The following RBM10 variants were observed in gnomAD, a reference collection of about 807,000 sequenced individuals.
RBM10 encodes RNA-binding protein 10.
A neutral mutation model predicts 84.9 loss-of-function variants in RBM10; 1 was observed. The observed-to-expected ratio is 0.01, with a 90% CI of 0.00 to 0.06. RBM10 has a LOEUF of 0.06. RBM10 is among the 10% of genes least tolerant of loss of function. The pLI is 1.00. For synonymous variants in RBM10, 326 were observed against 344.5 expected, an observed-to-expected ratio of 0.95 and a Z score of 0.60; for missense variants, 438 against 839.0, an observed-to-expected ratio of 0.52 and a Z score of 5.90.
intron 1 of RBM10, 73 bp downstream of exon 1, chrX:47,145,558 G>T: frequency 9.3e-7 from 1 of 1,073,315 alleles, no homozygotes; most frequent in Admixed American, 2.6e-5. Flanking sequence ...GCGCGAGGGC[G>T]GACTTCGGGT....
chrX:47,172,448 C>T (rs1317717898), intron 4 of RBM10, among the ~76,000 whole-genome samples: 1 of 112,332 alleles, frequency 8.9e-6, no homozygotes, highest in African/African-American at 3.2e-5. Context: ...GGCTCCTGGT[C>T]CTCAGTGAGA....
Position 47,147,051 on chromosome X carries a change from T to A in RBM10, c.-125-306T>A, listed in dbSNP as rs782162451. Among the ~76,000 whole-genome samples the A allele has an allele frequency of 3.6e-5, 4 of 111,532 alleles. No homozygotes were observed. In the South Asian group the frequency reaches 1.5e-3, roughly 42 times the overall value. ...CCCCAGGCTTGAATTTGTCTACCTG[T>A]CTTAGGTGGCAAAGCCCTGATCACA... On this transcript the variant is annotated intron_variant, in intron 1 of 23. Coordinates refer to ENST00000377604, the MANE Select transcript of RBM10 (RefSeq NM_005676.5).
At chrX:47,148,244 C>T (rs1487422103) in intron 2 of RBM10, among the ~76,000 whole-genome samples, 1 of 112,288 alleles carries the variant, frequency 8.9e-6, no homozygotes, top group Non-Finnish European at 1.9e-5. Flanking sequence ...GAAAAGTGAG[C>T]CCAAATTTGA....
intron 5 of RBM10, among the ~76,000 whole-genome samples, chrX:47,173,935 T>TTTCTC (rs1934901940): frequency 7.4e-5 from 2 of 27,137 alleles, no homozygotes; most frequent in African/African-American, 3.1e-4. Context: ...CTCTCTCTCT[T>TTTCTC]TCTCCCTCTC....
In RBM10 at chrX:47,162,679, G is replaced by T. The variant is rs147382638; in HGVS notation, c.18-6636G>T. On this transcript the variant is annotated intron_variant, in intron 2 of 23. Transcript: ENST00000377604. ...TCGTGAAGTCAGGAGATCGAGACCAGCCTGGCCAACATGATGAAACCCCGT... is the reference window on the plus strand; with the variant it reads ...TCGTGAAGTCAGGAGATCGAGACCATCCTGGCCAACATGATGAAACCCCGT... Among the ~76,000 whole-genome samples the T allele has an allele frequency of 2.7e-3, 291 of 109,807 alleles. 2 individuals carry two copies. Among genetic ancestry groups the T allele is most frequent in the African/African-American group, 8.4e-3 (252 of 30,159 alleles).
intron 2 of RBM10, among the ~76,000 whole-genome samples, chrX:47,159,958 A>C (rs1166078559): frequency 9.0e-6 from 1 of 111,557 alleles, no homozygotes; most frequent in Non-Finnish European, 1.9e-5. Context: ...ACCAACATGG[A>C]GAAACCCCAT....
rs370048928 is a variant in RBM10 at position 47,152,774 on chromosome X, G to GACACACAC, written c.17+5311_17+5318dup. ...CCCTATAGCTCTATATCTTTACATAGACACACACACACACACACACACACA... is the reference window on the plus strand; with the variant it reads ...CCCTATAGCTCTATATCTTTACATAGACACACACACACACACACACACACACACACACA... On this transcript the variant is annotated intron_variant, in intron 2 of 23. Transcript: ENST00000377604. 5.7e-3 allele frequency among the ~76,000 whole-genome samples: 461 copies of GACACACAC among 80,352 alleles called. 7 individuals carry two copies. The highest frequency in any genetic ancestry group is 0.02 in the African/African-American group (423 of 20,971). 69.8% of individuals were successfully genotyped at this position (80,352 alleles called of 115,157 possible).
rs2147189787 is a variant in RBM10, at chrX:47,181,623, C to G, written c.1552C>G (p.Gln518Glu). 8.3e-7 allele frequency: 1 copy of G among 1,206,885 alleles called. No individual in the cohort carries two copies. The highest frequency in any genetic ancestry group is 1.1e-6 in the Non-Finnish European group (1 of 893,692). Residue 518 changes from glutamine (Q) to glutamate (E), a missense_variant, in exon 14 of 24, where the codon CAG (glutamine) becomes GAG (glutamate). Gln to Glu is a conservative substitution (Grantham distance 29). Around this residue, in one of 8 missense-constraint regions of RBM10, gnomAD observed 97 missense variants for 110.3 expected, o/e 0.88. Coordinates refer to ENST00000377604, the MANE Select transcript of RBM10 (RefSeq NM_005676.5). ...ACAATCAGCCGAGGCGAGCAGTAGC[C>G]AGGGCACTGCTGCCAACAGCCAGGT... The part of the protein sequence containing the change: ...YQQSAEASSS[Q>E]GTAANSQSYT...
At chrX:47,166,454 C>T (rs782669500) in intron 2 of RBM10, among the ~76,000 whole-genome samples, 13 of 110,850 alleles carry the variant, frequency 1.2e-4, no homozygotes, top group Admixed American at 7.7e-4. Flanking sequence ...AGTTTTAATT[C>T]TCATCTTTCT....
At chrX:47,145,606 T>C in intron 1 of RBM10, 121 bp downstream of exon 1, 3 of 492,761 alleles carry the variant, frequency 6.1e-6, no homozygotes, top group Non-Finnish European at 8.7e-6. Context: ...TGGTGCAATG[T>C]CTCAACCCGG....
rs2147190043 is a variant in RBM10, at chrX:47,181,639, A to G, written c.1568A>G (p.Asn523Ser). 1.7e-6 allele frequency: 2 copies of G among 1,206,849 alleles called. No homozygotes were observed. Among genetic ancestry groups the G allele is most frequent in the East Asian group, 5.9e-5 (2 of 33,705 alleles). The change falls in exon 14 of 24, where the codon AAC becomes AGC. Residue 523 changes from asparagine (N) to serine (S), a missense_variant. Physicochemically the swap from Asn to Ser is conservative, Grantham distance 46. Transcript: ENST00000377604. ...AGCAGTAGCCAGGGCACTGCTGCCA[A>G]CAGCCAGGTGAGTGAGCCCTGTGGG... Reference protein sequence around the residue: ...EASSSQGTAANSQSYTIMSPA... With the variant: ...EASSSQGTAASSQSYTIMSPA...
At chrX:47,157,069 C>G (rs1486066544) in intron 2 of RBM10, 2 of 285,699 alleles carry the variant, frequency 7.0e-6, no homozygotes, top group East Asian at 1.9e-4. Context: ...ACTCCCAGTG[C>G]CTGCCGCAGG....
Position 47,180,433 on chromosome X carries a change from A to G in RBM10, c.1175A>G (p.Asn392Ser), listed in dbSNP as rs189102912. Residue 392 changes from asparagine (N) to serine (S), a missense_variant, in exon 12 of 24, where the codon AAT (asparagine) becomes AGT (serine). Physicochemically the swap from Asn to Ser is conservative, Grantham distance 46. This residue lies in a region of RBM10 where 33 missense variants were observed against 115.0 expected (regional missense o/e 0.29). Coordinates refer to ENST00000377604, the MANE Select transcript of RBM10 (RefSeq NM_005676.5). The stretch of plus-strand genomic sequence containing the variant: ...ATCCTCCTCAGGGACATGGCCTCCA[A>G]TGAAGGCAGTCGCATCAGTGCTGCC... ...AKGSKRDMAS[N>S]EGSRISAASV... 272 of 1,197,339 alleles carry G rather than the reference A, an allele frequency of 2.3e-4. No individual in the cohort carries two copies. In the East Asian group the frequency reaches 5.9e-3, roughly 26 times the overall value.
In RBM10 at chrX:47,186,548, C is replaced by T. The variant is rs1556782903; in HGVS notation, c.2742C>T (p.Tyr914=). Residue 914 remains tyrosine (Y), a synonymous_variant, in exon 24 of 24, where the codon TAC becomes TAT. Coordinates refer to ENST00000377604, the MANE Select transcript of RBM10 (RefSeq NM_005676.5). The part of the protein sequence containing the change: ...SSYGVTSTES[Y]KETLHKTMVT... ...ACGGGGTCACCTCAACCGAGTCCTA[C>T]AAGGAGACACTGCACAAGACAATGG... 1 of 1,211,839 alleles carries T rather than the reference C, an allele frequency of 8.3e-7. No homozygotes were observed. Among genetic ancestry groups the T allele is most frequent in the South Asian group, 1.8e-5 (1 of 56,939 alleles).
intron 7 of RBM10, among the ~76,000 whole-genome samples, chrX:47,177,272 G>A (rs73630262): frequency 0.083 from 9,284 of 112,323 alleles, 952 homozygotes; most frequent in African/African-American, 0.29. Flanking sequence ...ACTGGAGGCT[G>A]TGGTTTTGTA....
At chrX:47,155,146 CAAAAAAAAAAAA>C (rs782034292) in intron 2 of RBM10, among the ~76,000 whole-genome samples, 2 of 27,357 alleles carry the variant, frequency 7.3e-5, no homozygotes, top group Non-Finnish European at 1.4e-4. Flanking sequence ...GACTCCCTCT[CAAAAAAAAAAAA>C]AAAAAAAAAA....
intron 2 of RBM10, among the ~76,000 whole-genome samples, chrX:47,149,064 A>G (rs1264664134): frequency 9.3e-6 from 1 of 107,808 alleles, no homozygotes; most frequent in Non-Finnish European, 1.9e-5. Flanking sequence ...ACATTTTCAT[A>G]GAAAATGAAA....
Position 47,171,092 on chromosome X carries a change from G to A in RBM10, c.266G>A (p.Ser89Asn). Residue 89 changes from serine to asparagine, a missense_variant, in exon 4 of 24, where the codon AGC becomes AAC. By Grantham distance (46) the Ser-to-Asn change is conservative (BLOSUM62 1). This residue lies in a region of RBM10 where 92 missense variants were observed against 134.3 expected (regional missense o/e 0.69). Coordinates refer to ENST00000377604, the MANE Select transcript of RBM10 (RefSeq NM_005676.5). ...AGGCGGCGGCGGCGGCACAGGCACA[G>A]CCCCACCGGCCCGCCAGGCTTCCCC... ...QRRRRRRHRH[S>N]PTGPPGFPRD... is the part of the protein sequence containing the mutation. 8.3e-7 allele frequency: 1 copy of A among 1,210,622 alleles called. No homozygotes were observed. Among genetic ancestry groups the A allele is most frequent in the Non-Finnish European group, 1.1e-6 (1 of 895,056 alleles).
chrX:47,176,643 C>T (rs2147157455), intron 7 of RBM10, 57 bp downstream of exon 7: 11 of 1,200,611 alleles, frequency 9.2e-6, no homozygotes, highest in South Asian at 1.8e-5. Context: ...GCAGTGGCGG[C>T]GATCTCTCCC....
Sources: allele counts gnomAD v4.1 joint callset (sites outside exome capture counted in the v4.1 genomes callset), GRCh38; gene constraint gnomAD v4.1.1; regional missense constraint gnomAD v4.1.1; transcripts MANE v1.5; gene names NCBI Gene and HGNC (gene_info 2026-07-23, HGNC 2026-07-21).